The following N4BP2 variants were observed in gnomAD, a reference collection of about 807,000 sequenced individuals.
N4BP2 encodes NEDD4 binding protein 2.
In N4BP2, 91 loss-of-function variants were observed where a neutral mutation model predicts 152.8. That is an observed-to-expected ratio of 0.60 (90% CI 0.50 to 0.71). N4BP2 has a LOEUF of 0.71. N4BP2 is among the 30% of genes least tolerant of loss of function. The pLI is 0.00. For synonymous variants in N4BP2, 646 were observed against 705.3 expected (o/e 0.92, Z 1.33); for missense variants, 1,923 against 2,059.1 (o/e 0.93, Z 1.28).
At chr4:40,105,887 T>C (rs1226846968) in intron 4 of N4BP2, among the ~76,000 whole-genome samples, 1 of 152,088 alleles carries the variant, frequency 6.6e-6, no homozygotes, top group African/African-American at 2.4e-5. Context: ...GATATATACA[T>C]GTTTAACGGT....
chr4:40,127,791 T>G (rs923674131), intron 12 of N4BP2, among the ~76,000 whole-genome samples: 2 of 152,046 alleles, frequency 1.3e-5, no homozygotes, highest in African/African-American at 4.8e-5. Flanking sequence ...CTCCTGAGTA[T>G]CTGGAACTAC....
At chr4:40,129,401 A>G (rs1422132159) in intron 12 of N4BP2, among the ~76,000 whole-genome samples, 1 of 151,956 alleles carries the variant, frequency 6.6e-6, no homozygotes, top group Non-Finnish European at 1.5e-5. Context: ...TAATTTTTGT[A>G]TTTTTAGAAG....
Position 40,102,700 on chromosome 4 carries a change from T to C in N4BP2, c.855T>C (p.Asp285=), listed in dbSNP as rs1483207149. 6.2e-7 allele frequency: 1 copy of C among 1,614,046 alleles called. No homozygotes were observed. The highest frequency in any genetic ancestry group is 1.3e-5 in the African/African-American group (1 of 74,906). ...CTCAATTCTCTGAAGCTCCTGTAGA[T>C]TTGGATGCCAGTGAACCTCAGGCTT... ...VEAQFSEAPV[D]LDASEPQACL... is the part of the protein sequence containing the mutation. Residue 285 remains aspartate (D), a synonymous_variant, in exon 4 of 18, where the codon GAT becomes GAC. Transcript: ENST00000261435.
At chr4:40,165,873 G>A in the N4BP2 span, among the ~76,000 whole-genome samples, 823 of 152,148 alleles carry the variant, frequency 5.4e-3, 7 homozygotes, top group African/African-American at 0.019. Context: ...CTTATATTCC[G>A]TAGATACCCC....
At chr4:40,132,132 T>G (rs1483801150) in intron 13 of N4BP2, among the ~76,000 whole-genome samples, 1 of 152,276 alleles carries the variant, frequency 6.6e-6, no homozygotes, top group Non-Finnish European at 1.5e-5. Flanking sequence ...TTCCTATAAA[T>G]AAGAATTGAT....
chr4:40,148,277 T>C (rs1256348978), intron 16 of N4BP2, among the ~76,000 whole-genome samples: 5 of 152,210 alleles, frequency 3.3e-5, no homozygotes, highest in Non-Finnish European at 5.9e-5. Flanking sequence ...AGCGAAACCC[T>C]GTCTCCACCA....
At chr4:40,074,153 C>T (rs148987998) in intron 2 of N4BP2, among the ~76,000 whole-genome samples, 3 of 139,652 alleles carry the variant, frequency 2.1e-5, no homozygotes, top group Non-Finnish European at 4.8e-5. Flanking sequence ...TGCAGTGGCA[C>T]GATCTTGGCT....
At chr4:40,136,435 A>C (rs1719405116) in intron 13 of N4BP2, among the ~76,000 whole-genome samples, 1 of 151,456 alleles carries the variant, frequency 6.6e-6, no homozygotes, top group South Asian at 2.1e-4. Flanking sequence ...CCCAGGCTGG[A>C]GTGCAGTAGC....
chr4:40,184,839 C>T, the N4BP2 span, among the ~76,000 whole-genome samples: 9,115 of 152,080 alleles, frequency 0.06, 333 homozygotes, highest in Middle Eastern at 0.082. Flanking sequence ...ATTTGTAATC[C>T]CAGCTGCTCG....
chr4:40,078,516 CTT>C (rs869190007), intron 2 of N4BP2, among the ~76,000 whole-genome samples: 3 of 142,662 alleles, frequency 2.1e-5, no homozygotes, highest in African/African-American at 2.6e-5. Flanking sequence ...AATTAATATC[CTT>C]TTTTTTTTTT....
At position 40,106,963 on chromosome 4, in the gene N4BP2, T is replaced by G; in HGVS notation, c.1437T>G (p.Asn479Lys). 1 of 1,612,946 alleles carries G rather than the reference T, an allele frequency of 6.2e-7. No homozygotes were observed. The highest frequency in any genetic ancestry group is 8.5e-7 in the Non-Finnish European group (1 of 1,178,988). ...GTACTGATGATTATTTTTATATAAATGGACAGTACCAGTTTGATGTAAAGT... is the reference window on the plus strand; with the variant it reads ...GTACTGATGATTATTTTTATATAAAGGGACAGTACCAGTTTGATGTAAAGT... ...ILSTDDYFYI[N>K]GQYQFDVKYL... Residue 479 changes from asparagine (N) to lysine (K), a missense_variant, in exon 5 of 18, where the codon AAT becomes AAG. Physicochemically the swap from Asn to Lys is moderately conservative, Grantham distance 94 (BLOSUM62 0). Transcript: ENST00000261435.
chr4:40,058,997 T>G lies in N4BP2; in HGVS notation c.-212+1967T>G, dbSNP rs897613232. 2.0e-5 allele frequency among the ~76,000 whole-genome samples: 3 copies of G among 152,200 alleles called. No homozygotes were observed. In the South Asian group the frequency reaches 6.2e-4, roughly 32 times the overall value. On this transcript the variant is annotated intron_variant, in intron 1 of 17. Coordinates refer to ENST00000261435, the MANE Select transcript of N4BP2 (RefSeq NM_018177.6). Reference sequence around the variant, plus strand: ...CACTACGCCCGGCTAATTTTTGTATTTTTTGTAGAGAGGAGGTTTCGCCAT... The same window carrying G: ...CACTACGCCCGGCTAATTTTTGTATGTTTTGTAGAGAGGAGGTTTCGCCAT...
Position 40,120,598 on chromosome 4 carries a change from C to T in N4BP2, c.2487C>T (p.Asn829=), listed in dbSNP as rs374877710. 8.7e-6 allele frequency: 14 copies of T among 1,614,014 alleles called. No individual in the cohort carries two copies. Among genetic ancestry groups the T allele is most frequent in the Non-Finnish European group, 1.2e-5 (14 of 1,180,020 alleles). Residue 829 remains asparagine (N), a synonymous_variant, in exon 9 of 18, where the codon AAC becomes AAT. Coordinates refer to ENST00000261435, the MANE Select transcript of N4BP2 (RefSeq NM_018177.6). The part of the protein sequence containing the change: ...YNYPQSHKLV[N]SVSVNTDCVQ... ...ACCCTCAGTCACACAAATTAGTTAACAGTGTATCTGTGAATACAGATTGTG... is the reference window on the plus strand; with the variant it reads ...ACCCTCAGTCACACAAATTAGTTAATAGTGTATCTGTGAATACAGATTGTG...
intron 3 of N4BP2, among the ~76,000 whole-genome samples, chr4:40,100,964 C>G (rs764966322): frequency 6.6e-6 from 1 of 152,170 alleles, no homozygotes; most frequent in Non-Finnish European, 1.5e-5. Flanking sequence ...ACATACAGGA[C>G]TCCTCCCAAT....
intron 12 of N4BP2, 56 bp downstream of exon 12, chr4:40,126,386 G>T: frequency 7.3e-6 from 6 of 817,418 alleles, no homozygotes; most frequent in Admixed American, 3.4e-5. Context: ...TATTGTGTAT[G>T]TTTACTTTGT....
At chr4:40,189,480 C>T in the N4BP2 span, among the ~76,000 whole-genome samples, 2 of 152,244 alleles carry the variant, frequency 1.3e-5, no homozygotes, top group South Asian at 4.1e-4. This position sits in a 1 kb window ranked among gnomAD's most constrained non-coding sequence, Gnocchi z 4.3. Context: ...TCAGCTTCTC[C>T]CGCTCGCAGG....
At chr4:40,190,301 C>A in the N4BP2 span, among the ~76,000 whole-genome samples, 3 of 152,216 alleles carry the variant, frequency 2.0e-5, no homozygotes, top group Non-Finnish European at 2.9e-5. Context: ...GATAAATTCT[C>A]ATTTATCTTA....
At chr4:40,091,005 GTTT>G (rs34245436) in intron 2 of N4BP2, among the ~76,000 whole-genome samples, 42 of 121,576 alleles carry the variant, frequency 3.5e-4, no homozygotes, top group Non-Finnish European at 4.0e-4. Context: ...GTATTTCTCT[GTTT>G]TTTTTTTTTT....
chr4:40,056,911 T>G lies in N4BP2; in HGVS notation c.-331T>G, dbSNP rs976035885. The G allele has an allele frequency of 6.6e-6, 1 of 151,984 alleles. No homozygotes were observed. Among genetic ancestry groups the G allele is most frequent in the Non-Finnish European group, 1.5e-5 (1 of 67,978 alleles). The allele number at this position is 151,984 out of a possible 1,614,324, so 9.4% of individuals were successfully genotyped here. On this transcript the variant is annotated 5_prime_UTR_variant, in exon 1 of 18. Coordinates refer to ENST00000261435, the MANE Select transcript of N4BP2 (RefSeq NM_018177.6). ...CCGCGGCCGCAGCTGCTTGCTAGCC[T>G]TGCGCGGCGCGGGAGAGCGCAGTGG...
Sources: gnomAD v4.1 joint callset for allele counts (sites outside exome capture counted in the v4.1 genomes callset) on GRCh38, gnomAD v4.1.1 for gene constraint, Gnocchi (gnomAD v3.1) non-coding constraint, MANE v1.5 for transcripts, NCBI Gene and HGNC (gene_info 2026-07-23, HGNC 2026-07-21) for gene names.